TPX2: variants seen among roughly 807,000 people sequenced by gnomAD.
TPX2 encodes the protein TPX2 microtubule nucleation factor.
In TPX2, 21 loss-of-function variants were observed where a neutral mutation model predicts 93.6. That is an observed-to-expected ratio of 0.22 (90% CI 0.16 to 0.32). The LOEUF (loss-of-function observed/expected upper bound fraction) is 0.32, where lower values mean the gene tolerates loss of function less well. Among genes scored for constraint, TPX2 ranks in the 10% least tolerant of loss-of-function variants. TPX2 has a pLI of 1.00. For missense variants in TPX2, 776 were observed against 871.1 expected, an observed-to-expected ratio of 0.89 and a Z score of 1.37; for synonymous variants, 281 against 298.3, an observed-to-expected ratio of 0.94 and a Z score of 0.60.
intron 12 of TPX2, among the ~76,000 whole-genome samples, chr20:31,791,092 G>C (rs116057887): frequency 6.6e-6 from 1 of 152,152 alleles, no homozygotes; most frequent in African/African-American, 2.4e-5. Context: ...TCAGTAGTTC[G>C]TTGTGGTTGC....
intron 9 of TPX2, 80 bp from the exon 10 acceptor site, chr20:31,778,733 T>C: frequency 7.4e-7 from 1 of 1,352,014 alleles, no homozygotes; most frequent in Non-Finnish European, 9.9e-7. Context: ...TTATTGATCC[T>C]CTGTGCCGAA....
At chr20:31,743,756 C>A (rs1190517230) in intron 2 of TPX2, among the ~76,000 whole-genome samples, 1 of 137,876 alleles carries the variant, frequency 7.3e-6, no homozygotes, top group Admixed American at 7.3e-5. Context: ...GGCAGAGTTT[C>A]GCTCTTGTTG....
chr20:31,766,859 G>GGCATGAGCC (rs2061931004), intron 5 of TPX2, among the ~76,000 whole-genome samples, 177 bp downstream of exon 5: 2 of 147,346 alleles, frequency 1.4e-5, no homozygotes, highest in Admixed American at 1.4e-4. Flanking sequence ...GGAGTGAAGT[G>GGCATGAGCC]GCATGATCTT....
intron 12 of TPX2, among the ~76,000 whole-genome samples, chr20:31,788,080 G>A (rs1168749105): frequency 5.3e-5 from 8 of 152,098 alleles, no homozygotes; most frequent in Non-Finnish European, 1.2e-4. Flanking sequence ...TTTCACAGGG[G>A]ATTATAGCTT....
chr20:31,800,264 A>G (rs1249097701), intron 17 of TPX2, among the ~76,000 whole-genome samples: 2 of 152,140 alleles, frequency 1.3e-5, no homozygotes, highest in Non-Finnish European at 2.9e-5. Context: ...CCCACTCTAT[A>G]TACACTCATA....
rs965282128 is a variant in TPX2 at position 31,757,419 on chromosome 20, T to C, written c.-58T>C. The stretch of plus-strand genomic sequence containing the variant: ...TTTCTTTCCTCAGAAGGTGACCTGC[T>C]GAGAAAAGTGGTACAAATACTGGGA... On this transcript the variant is annotated 5_prime_UTR_variant, in exon 3 of 18. Coordinates refer to ENST00000300403, the MANE Select transcript of TPX2 (RefSeq NM_012112.5). The C allele has an allele frequency of 4.1e-5, 57 of 1,374,912 alleles. No homozygotes were observed. The highest frequency in any genetic ancestry group is 5.0e-5 in the Non-Finnish European group (49 of 972,252). The allele number at this position is 1,374,912 out of a possible 1,614,324, so 85.2% of individuals were successfully genotyped here.
At chr20:31,789,066 C>T (rs905868570) in intron 12 of TPX2, among the ~76,000 whole-genome samples, 2 of 152,130 alleles carry the variant, frequency 1.3e-5, no homozygotes, top group Admixed American at 6.5e-5. Flanking sequence ...ACCCACATTG[C>T]CCCATTCTAA....
At position 31,776,225 on chromosome 20, in the gene TPX2, C is replaced by T. The variant is rs543195050; in HGVS notation, c.730+237C>T. ...CCTCCCGAGTAGCTGGGACTACAGG[C>T]GCCCGCCACCGCGCCCGGCTAATTT... On this transcript the variant is annotated intron_variant, in intron 8 of 17. Transcript: ENST00000300403. Among the ~76,000 whole-genome samples the T allele has an allele frequency of 4.5e-3, 675 of 151,186 alleles. 2 individuals carry two copies. Among genetic ancestry groups the T allele is most frequent in the African/African-American group, 0.013 (549 of 41,328 alleles).
intron 2 of TPX2, among the ~76,000 whole-genome samples, chr20:31,750,713 A>G (rs1243128663): frequency 6.6e-6 from 1 of 152,166 alleles, no homozygotes; most frequent in Non-Finnish European, 1.5e-5. Flanking sequence ...TAGAAAGAGA[A>G]TATGTAACAT....
At chr20:31,752,348 A>G (rs1311195043) in intron 2 of TPX2, among the ~76,000 whole-genome samples, 3 of 152,184 alleles carry the variant, frequency 2.0e-5, no homozygotes, top group African/African-American at 4.8e-5. Flanking sequence ...CTTAGTTCTC[A>G]TTGGCCAGAA....
At chr20:31,792,486 T>G (rs2062108111) in intron 12 of TPX2, among the ~76,000 whole-genome samples, 1 of 152,168 alleles carries the variant, frequency 6.6e-6, no homozygotes, top group Non-Finnish European at 1.5e-5. Context: ...TTATTTTCTG[T>G]GCTTAGATTA....
intron 1 of TPX2, among the ~76,000 whole-genome samples, chr20:31,741,687 G>C (rs2061754082): frequency 6.6e-6 from 1 of 152,144 alleles, no homozygotes; most frequent in Non-Finnish European, 1.5e-5. Context: ...CACCATGTTA[G>C]CCAGGATGGT....
chr20:31,756,914 A>G (rs979440372), intron 2 of TPX2, among the ~76,000 whole-genome samples: 2 of 152,196 alleles, frequency 1.3e-5, no homozygotes, highest in Admixed American at 1.3e-4. Flanking sequence ...GGCGTGAGCC[A>G]CTGCTCCTGG....
At chr20:31,791,953 T>C (rs977883538) in intron 12 of TPX2, among the ~76,000 whole-genome samples, 21 of 152,232 alleles carry the variant, frequency 1.4e-4, no homozygotes, top group African/African-American at 4.8e-4. Flanking sequence ...AAAAATGCTG[T>C]GGAACAACTC....
chr20:31,791,112 T>C (rs1246269178), intron 12 of TPX2, among the ~76,000 whole-genome samples: 1 of 152,002 alleles, frequency 6.6e-6, no homozygotes, highest in Non-Finnish European at 1.5e-5. Flanking sequence ...CAACGTGATA[T>C]GTAAGGAGGG....
chr20:31,742,110 G>A (rs1269121877), intron 1 of TPX2, among the ~76,000 whole-genome samples: 1 of 151,798 alleles, frequency 6.6e-6, no homozygotes, highest in Admixed American at 6.6e-5. Context: ...GTATCTAGAG[G>A]TTACTTTGGA....
rs759372577 is a variant in TPX2, at chr20:31,757,450, C to T, written c.-27C>T. Reference sequence around the variant, plus strand: ...AAGTGGTACAAATACTGGGAAAAACCTGCTCTTCTGCGTTAAGTGGGAGAC... The same window carrying T: ...AAGTGGTACAAATACTGGGAAAAACTTGCTCTTCTGCGTTAAGTGGGAGAC... On this transcript the variant is annotated 5_prime_UTR_variant, in exon 3 of 18. Coordinates refer to ENST00000300403, the MANE Select transcript of TPX2 (RefSeq NM_012112.5). The T allele has an allele frequency of 1.9e-6, 3 of 1,585,602 alleles. No homozygotes were observed. Among genetic ancestry groups the T allele is most frequent in the Non-Finnish European group, 1.7e-6 (2 of 1,156,414 alleles).
chr20:31,763,323 G>A (rs762556261), intron 4 of TPX2, among the ~76,000 whole-genome samples: 2 of 152,046 alleles, frequency 1.3e-5, no homozygotes, highest in African/African-American at 4.8e-5. Flanking sequence ...GGGATTACAG[G>A]CATCTGCCAC....
chr20:31,760,908 A>C (rs2061885814), intron 4 of TPX2, among the ~76,000 whole-genome samples: 8 of 152,126 alleles, frequency 5.3e-5, no homozygotes, highest in Admixed American at 5.2e-4. Flanking sequence ...GGATCTGCAG[A>C]ATATTGTCTG....
Sources: allele counts gnomAD v4.1 joint callset (sites outside exome capture counted in the v4.1 genomes callset), GRCh38; gene constraint gnomAD v4.1.1; transcripts MANE v1.5; gene names NCBI Gene and HGNC (gene_info 2026-07-23, HGNC 2026-07-21).